GRID2: variants seen among roughly 807,000 people sequenced by gnomAD.
The protein encoded by GRID2 is glutamate receptor ionotropic, delta-2.
In GRID2, 33 loss-of-function variants were observed where a neutral mutation model predicts 114.8. That is an observed-to-expected ratio of 0.29 (90% confidence interval 0.22 to 0.38). GRID2 has a LOEUF of 0.38. GRID2 is among the 10% of genes least tolerant of loss of function. GRID2 has a pLI of 1.00. For synonymous variants in GRID2, 505 were observed against 449.9 expected (o/e 1.12, Z -1.55); for missense variants, 1,184 against 1,257.7 (o/e 0.94, Z 0.89).
At chr4:92,651,030 C>A (rs893685396) in intron 2 of GRID2, among the ~76,000 whole-genome samples, 2 of 152,026 alleles carry the variant, frequency 1.3e-5, no homozygotes, top group Non-Finnish European at 2.9e-5. Context: ...CCCATGACTG[C>A]ATTTATTTGT....
chr4:93,658,377 A>G (rs1043672951), intron 14 of GRID2, among the ~76,000 whole-genome samples: 6 of 152,214 alleles, frequency 3.9e-5, no homozygotes, highest in Non-Finnish European at 5.9e-5. Context: ...TATTTATTTA[A>G]TATTGAAATA....
intron 2 of GRID2, among the ~76,000 whole-genome samples, chr4:93,041,442 T>G (rs1326500491): frequency 6.6e-6 from 1 of 152,164 alleles, no homozygotes; most frequent in African/African-American, 2.4e-5. Context: ...TGTCACTGGT[T>G]TCAAGGAGTC....
intron 1 of GRID2, among the ~76,000 whole-genome samples, chr4:92,373,857 GAA>G (rs1579257703): frequency 1.3e-5 from 2 of 152,158 alleles, no homozygotes; most frequent in East Asian, 3.9e-4. Context: ...TTATAAATGA[GAA>G]AATGAAGGAA....
At chr4:93,593,183 C>T (rs1442670230) in intron 13 of GRID2, among the ~76,000 whole-genome samples, 2 of 149,736 alleles carry the variant, frequency 1.3e-5, no homozygotes, top group Admixed American at 6.7e-5. Flanking sequence ...GATTTTGCAG[C>T]AGCTGGTACC....
intron 13 of GRID2, among the ~76,000 whole-genome samples, chr4:93,614,285 G>A (rs867897261): frequency 6.6e-6 from 1 of 152,170 alleles, no homozygotes. Flanking sequence ...CGTCGCTCAC[G>A]CTGGGAGCTG....
At chr4:93,272,508 A>G (rs3970980) in intron 8 of GRID2, among the ~76,000 whole-genome samples, 108,565 of 152,006 alleles carry the variant, frequency 0.71, 39,669 homozygotes, top group Middle Eastern at 0.86. Flanking sequence ...ATGATGCTCT[A>G]GCGCAAGGGA....
intron 1 of GRID2, among the ~76,000 whole-genome samples, chr4:92,466,425 C>T (rs572711530): frequency 5.9e-5 from 9 of 151,934 alleles, no homozygotes; most frequent in South Asian, 2.1e-4. Flanking sequence ...CTAATCTCTA[C>T]GTCCATGACT....
chr4:93,355,160 G>A (rs1310136375), intron 8 of GRID2, among the ~76,000 whole-genome samples: 1 of 151,866 alleles, frequency 6.6e-6, no homozygotes, highest in Admixed American at 6.6e-5. Context: ...GATCCAGACT[G>A]TTTCCATTAC....
intron 2 of GRID2, among the ~76,000 whole-genome samples, chr4:92,930,470 C>A (rs1204984343): frequency 6.6e-6 from 1 of 150,916 alleles, no homozygotes; most frequent in Non-Finnish European, 1.5e-5. Context: ...GCTATACTAC[C>A]TTTTAATTGG....
intron 14 of GRID2, among the ~76,000 whole-genome samples, chr4:93,664,207 A>G (rs1723753939): frequency 6.6e-6 from 1 of 152,220 alleles, no homozygotes; most frequent in Admixed American, 6.5e-5. Flanking sequence ...GGCAGAGAGC[A>G]GAGAGGGAGG....
chr4:92,915,368 A>G (rs1316598203), intron 2 of GRID2, among the ~76,000 whole-genome samples: 1 of 152,210 alleles, frequency 6.6e-6, no homozygotes, highest in African/African-American at 2.4e-5. Flanking sequence ...TGGGGCAAGT[A>G]TAATGACTGG....
At chr4:93,495,655 C>T (rs951987668) in intron 12 of GRID2, among the ~76,000 whole-genome samples, 5 of 151,590 alleles carry the variant, frequency 3.3e-5, no homozygotes, top group African/African-American at 1.2e-4. Flanking sequence ...GCATGGGAGG[C>T]CGTTAAAGGT....
At chr4:92,923,712 G>T (rs952877904) in intron 2 of GRID2, among the ~76,000 whole-genome samples, 5 of 152,128 alleles carry the variant, frequency 3.3e-5, no homozygotes, top group East Asian at 3.9e-4. Context: ...TGTTATTACA[G>T]ATAGCTCCAT....
intron 1 of GRID2, among the ~76,000 whole-genome samples, chr4:92,451,992 ACT>A (rs760586352): frequency 1.3e-5 from 2 of 152,160 alleles, no homozygotes; most frequent in Non-Finnish European, 2.9e-5. Flanking sequence ...TGAATGTGAG[ACT>A]CTGCTGGCAT....
intron 2 of GRID2, among the ~76,000 whole-genome samples, chr4:93,057,055 C>T (rs1727314432): frequency 6.6e-6 from 1 of 151,288 alleles, no homozygotes; most frequent in Admixed American, 6.6e-5. Flanking sequence ...CAAATAAAAA[C>T]AAGAAGGAAT....
In GRID2 at chr4:93,515,485, G is replaced by GT. The variant is rs201037053; in HGVS notation, c.2193+82dup. The GT allele has an allele frequency of 9.6e-4, 947 of 981,996 alleles. 3 individuals carry two copies. The African/African-American group carries it at 0.01, about 11-fold the overall frequency. 60.8% of individuals were successfully genotyped at this position (981,996 alleles called of 1,614,324 possible). A position where few individuals can be genotyped will look rare whatever the true frequency, so the allele number is the denominator to read the frequency against. ...TGCTGGAATTGCGCAGTTGAGATTT[G>GT]TTTTTTTTGTTTTGTTTTTTGTTTT... On this transcript the variant is annotated intron_variant, in intron 13 of 15. Coordinates refer to ENST00000282020, the MANE Select transcript of GRID2 (RefSeq NM_001510.4).
chr4:93,729,243 A>G (rs1342016491), intron 14 of GRID2, among the ~76,000 whole-genome samples: 1 of 151,878 alleles, frequency 6.6e-6, no homozygotes, highest in Non-Finnish European at 1.5e-5. Flanking sequence ...AGAAGAGTGC[A>G]TTTAGTCAGC....
Position 92,548,401 on chromosome 4 carries a change from A to ATTTTTGTTTTTTTTTTTTTTTTT in GRID2, c.89-41725_89-41724insGTTTTTTTTTTTTTTTTTTTTTT, listed in dbSNP as rs1726385751. Among the ~76,000 whole-genome samples, 2 of 60,808 alleles carry ATTTTTGTTTTTTTTTTTTTTTTT rather than the reference A, an allele frequency of 3.3e-5. 1 individual carries two copies. The highest frequency in any genetic ancestry group is 1.7e-4 in the African/African-American group (2 of 11,760). 39.9% of individuals were successfully genotyped at this position (60,808 alleles called of 152,430 possible). A position where few individuals can be genotyped will look rare whatever the true frequency, so the allele number is the denominator to read the frequency against. Reference sequence around the variant, plus strand: ...ATGAAGACATTTCTGAGACTGTGTAATTTTTTTTTTTTTTTTTTGAGACAG... The same window carrying ATTTTTGTTTTTTTTTTTTTTTTT: ...ATGAAGACATTTCTGAGACTGTGTAATTTTTGTTTTTTTTTTTTTTTTTTTTTTTTTTTTTTTTTTTGAGACAG... On this transcript the variant is annotated intron_variant, in intron 1 of 15. Transcript: ENST00000282020.
chr4:93,313,428 T>C (rs1488289822), intron 8 of GRID2, among the ~76,000 whole-genome samples: 1 of 152,202 alleles, frequency 6.6e-6, no homozygotes, highest in East Asian at 1.9e-4. Flanking sequence ...AATGACTAAG[T>C]GTGTCTTTTC....
Sources: allele counts gnomAD v4.1 joint callset (sites outside exome capture counted in the v4.1 genomes callset), GRCh38; gene constraint gnomAD v4.1.1; transcripts MANE v1.5; gene names NCBI Gene and HGNC (gene_info 2026-07-23, HGNC 2026-07-21).